Variants in ARFGEF3 observed in about 807,000 individuals in gnomAD.
The protein encoded by ARFGEF3 is ARFGEF family member 3, also known as brefeldin A-inhibited guanine nucleotide-exchange protein 3.
ARFGEF3 carries 96 observed loss-of-function variants against 221.7 expected under a neutral mutation model. That is an observed-to-expected ratio of 0.43 (90% CI 0.37 to 0.51). ARFGEF3 has a LOEUF of 0.51. Among genes scored for constraint, ARFGEF3 ranks in the 20% least tolerant of loss-of-function variants. The probability of loss-of-function intolerance (pLI) is 0.00; values close to 1 mark genes in which losing one functional copy is unlikely to be tolerated. For synonymous variants in ARFGEF3, 1,145 were observed against 1,126.8 expected, an observed-to-expected ratio of 1.02 and a Z score of -0.32; for missense variants, 2,410 against 2,789.9, an observed-to-expected ratio of 0.86 and a Z score of 3.07.
intron 24 of ARFGEF3, among the ~76,000 whole-genome samples, chr6:138,309,676 A>G (rs542622222): frequency 2.0e-5 from 3 of 152,346 alleles, no homozygotes; most frequent in South Asian, 4.1e-4. Flanking sequence ...AGCCGATAAC[A>G]TGGCTCAGTT....
intron 10 of ARFGEF3, among the ~76,000 whole-genome samples, chr6:138,256,456 C>T (rs1486090205): frequency 6.6e-6 from 1 of 152,112 alleles, no homozygotes; most frequent in African/African-American, 2.4e-5. Context: ...GTTATCTCAA[C>T]CCCCACCCCT....
At chr6:138,319,680 C>T (rs759693809) in intron 27 of ARFGEF3, 23 bp from the exon 28 acceptor site, 1 of 1,565,716 alleles carries the variant, frequency 6.4e-7, no homozygotes, top group Non-Finnish European at 8.6e-7. Context: ...CAGGTTGTTG[C>T]TACGCTGACT....
rs116397803 is a variant in ARFGEF3 at position 138,205,160 on chromosome 6, G to T, written c.138-1882G>T. ...TCAACACATTGAGGATTTCCAAAAG[G>T]GTCTTTGTTGCTGCTGGACATGGCA... On this transcript the variant is annotated intron_variant, in intron 2 of 33. Coordinates refer to ENST00000251691, the MANE Select transcript of ARFGEF3 (RefSeq NM_020340.5). 1.6e-3 allele frequency among the ~76,000 whole-genome samples: 238 copies of T among 152,298 alleles called. 2 individuals are homozygous for T. The highest frequency in any genetic ancestry group is 5.5e-3 in the African/African-American group (227 of 41,570).
chr6:138,237,428 G>A (rs535613954), intron 5 of ARFGEF3, among the ~76,000 whole-genome samples: 12 of 152,196 alleles, frequency 7.9e-5, no homozygotes, highest in Non-Finnish European at 1.3e-4. Context: ...ATGCATTTTC[G>A]TGCCCATCCT....
In ARFGEF3 at chr6:138,263,102, C is replaced by T. The variant is rs1021867957; in HGVS notation, c.1619C>T (p.Ala540Val). ...GNHKNSLKSP[A>V]IPEGKETLSK... The stretch of plus-strand genomic sequence containing the variant: ...CACAAGAACAGTCTCAAGTCGCCAG[C>T]CATCCCAGAGGGTAAGGAGACGCTG... The change falls in exon 12 of 34, where the codon GCC becomes GTC. Residue 540 changes from alanine (A) to valine (V), a missense_variant. By Grantham distance (64) the Ala-to-Val change is moderately conservative. This residue lies in a region of ARFGEF3 where 594 missense variants were observed against 734.3 expected (regional missense o/e 0.81). Coordinates refer to ENST00000251691, the MANE Select transcript of ARFGEF3 (RefSeq NM_020340.5). 1.2e-6 allele frequency: 2 copies of T among 1,613,938 alleles called. No individual in the cohort carries two copies. Among genetic ancestry groups the T allele is most frequent in the Admixed American group, 3.3e-5 (2 of 60,014 alleles).
At position 138,242,890 on chromosome 6, in the gene ARFGEF3, CAA is replaced by C. The variant is rs1324607965; in HGVS notation, c.544-60_544-59del. 11 of 1,444,994 alleles carry C rather than the reference CAA, an allele frequency of 7.6e-6. No individual in the cohort carries two copies. The East Asian group carries it at 1.4e-4, about 18-fold the overall frequency. The allele number at this position is 1,444,994 out of a possible 1,614,324, so 89.5% of individuals were successfully genotyped here. A position where few individuals can be genotyped will look rare whatever the true frequency, so the allele number is the denominator to read the frequency against. On this transcript the variant is annotated intron_variant, in intron 6 of 33. Coordinates refer to ENST00000251691, the MANE Select transcript of ARFGEF3 (RefSeq NM_020340.5). ...TTGTTTCCTAGAATTTTCCCATTGT[CAA>C]AGAGTCAAGATTTTTCTTGCCTGAA...
chr6:138,189,067 A>G (rs1265059394), intron 2 of ARFGEF3, among the ~76,000 whole-genome samples: 3 of 152,240 alleles, frequency 2.0e-5, no homozygotes, highest in Non-Finnish European at 4.4e-5. Context: ...GAGTTATTTC[A>G]TACATGGATG....
At chr6:138,298,171 A>G (rs1779556380) in intron 21 of ARFGEF3, among the ~76,000 whole-genome samples, 6 of 152,174 alleles carry the variant, frequency 3.9e-5, no homozygotes, top group African/African-American at 2.4e-5. Context: ...GGAGGTCTGT[A>G]AACCAATTAG....
In ARFGEF3 at chr6:138,342,153, C is replaced by T. The variant is rs1780440629; in HGVS notation, c.*5667C>T. 6.6e-6 allele frequency: 1 copy of T among 152,162 alleles called. No individual in the cohort carries two copies. The highest frequency in any genetic ancestry group is 2.1e-4 in the South Asian group (1 of 4,830). The allele number at this position is 152,162 out of a possible 1,614,324, so 9.4% of individuals were successfully genotyped here. ...GAACAGTGGTTCTCAAACTTTAGTA[C>T]ACATCAGCATCACCTGGAGGGCCTT... On this transcript the variant is annotated 3_prime_UTR_variant, in exon 34 of 34. Transcript: ENST00000251691.
intron 5 of ARFGEF3, among the ~76,000 whole-genome samples, chr6:138,236,228 A>T (rs780983415): frequency 6.6e-5 from 10 of 152,200 alleles, no homozygotes; most frequent in Non-Finnish European, 1.2e-4. Context: ...CTCCTCTTTC[A>T]TCTGTAATGC....
At position 138,255,633 on chromosome 6, in the gene ARFGEF3, A is replaced by G; in HGVS notation, c.968A>G (p.Tyr323Cys). ...AGCGGACCTGTGGCTCGGACTATCT[A>G]TTACATCGCAGCCGAGCTGGTCCGG... is the stretch of plus-strand genomic sequence containing the variant. ...ALSGPVARTI[Y>C]YIAAELVRLV... The change falls in exon 10 of 34, where the codon TAT becomes TGT. Residue 323 changes from tyrosine to cysteine, a missense_variant. Physicochemically the swap from Tyr to Cys is radical, Grantham distance 194. This residue lies in a region of ARFGEF3 where 570 missense variants were observed against 586.9 expected (regional missense o/e 0.97). Transcript: ENST00000251691. The G allele has an allele frequency of 6.2e-7, 1 of 1,613,844 alleles. No homozygotes were observed. The highest frequency in any genetic ancestry group is 8.5e-7 in the Non-Finnish European group (1 of 1,179,856).
At chr6:138,298,476 T>C (rs1779562839) in intron 21 of ARFGEF3, 130 bp from the exon 22 acceptor site, 2 of 670,738 alleles carry the variant, frequency 3.0e-6, no homozygotes, top group Admixed American at 6.0e-5. Flanking sequence ...ACTTATCCCT[T>C]AGAATGTTTT....
intron 2 of ARFGEF3, among the ~76,000 whole-genome samples, chr6:138,200,188 G>T (rs957481522): frequency 1.3e-5 from 2 of 151,970 alleles, no homozygotes; most frequent in Non-Finnish European, 2.9e-5. Context: ...TTATTGATTT[G>T]CATGTGTTAA....
intron 22 of ARFGEF3, among the ~76,000 whole-genome samples, chr6:138,304,745 G>C (rs1037294153): frequency 6.6e-6 from 1 of 152,116 alleles, no homozygotes; most frequent in Non-Finnish European, 1.5e-5. Context: ...TTACACCTTT[G>C]GTTTGATCAC....
chr6:138,175,414 A>G (rs532685792), intron 2 of ARFGEF3, among the ~76,000 whole-genome samples: 84 of 152,206 alleles, frequency 5.5e-4, no homozygotes, highest in Admixed American at 1.7e-3. Flanking sequence ...GTCTCCTTAC[A>G]TGCATCTTTG....
intron 20 of ARFGEF3, 79 bp downstream of exon 20, chr6:138,294,205 TG>T: frequency 6.9e-7 from 1 of 1,440,114 alleles, no homozygotes; most frequent in Non-Finnish European, 9.5e-7. Flanking sequence ...GCAGCGTGCC[TG>T]AAGATTTGAC....
chr6:138,252,430 A>G lies in ARFGEF3; in HGVS notation c.666-1450A>G, dbSNP rs115050572. On this transcript the variant is annotated intron_variant, in intron 8 of 33. Transcript: ENST00000251691. ...TAAATACTAATATCAATGTCAGTGTATTAAATGGCACATAAAGGACTCCAC... is the reference window on the plus strand; with the variant it reads ...TAAATACTAATATCAATGTCAGTGTGTTAAATGGCACATAAAGGACTCCAC... Among the ~76,000 whole-genome samples the G allele has an allele frequency of 6.2e-3, 944 of 152,338 alleles. 7 individuals carry two copies. The highest frequency in any genetic ancestry group is 0.021 in the African/African-American group (870 of 41,566).
At chr6:138,206,861 T>C (rs1412558606) in intron 2 of ARFGEF3, among the ~76,000 whole-genome samples, 181 bp from the exon 3 acceptor site, 5 of 152,358 alleles carry the variant, frequency 3.3e-5, no homozygotes, top group Admixed American at 6.5e-5. Context: ...GTTGATGGGC[T>C]ATCATTTCTG....
intron 28 of ARFGEF3, 121 bp from the exon 29 acceptor site, chr6:138,320,990 A>ATTTC: frequency 1.6e-6 from 1 of 636,496 alleles, no homozygotes; most frequent in Non-Finnish European, 2.7e-6. Flanking sequence ...TCATTGTTCT[A>ATTTC]TTTCTTTTTC....
Sources: gnomAD v4.1 joint callset for allele counts (sites outside exome capture counted in the v4.1 genomes callset) on GRCh38, gnomAD v4.1.1 for gene constraint, gnomAD v4.1.1 regional missense constraint, MANE v1.5 for transcripts, NCBI Gene and HGNC (gene_info 2026-07-23, HGNC 2026-07-21) for gene names.